The following TMEM62 variants were observed in gnomAD, a reference collection of about 807,000 sequenced individuals.
The protein encoded by TMEM62 is transmembrane protein 62.
Under a neutral mutation model 70.4 loss-of-function variants are expected in TMEM62, and 41 were observed. The ratio of observed to expected loss-of-function variants is 0.58; its 90% CI spans 0.45 to 0.76. The LOEUF (loss-of-function observed/expected upper bound fraction) is 0.76, where lower values mean the gene tolerates loss of function less well. TMEM62 is among the 30% of genes least tolerant of loss of function. The probability of loss-of-function intolerance (pLI) is 0.00; values close to 1 mark genes in which losing one functional copy is unlikely to be tolerated. For synonymous variants in TMEM62, 268 were observed against 291.0 expected (o/e 0.92, Z 0.80); for missense variants, 688 against 788.5 (o/e 0.87, Z 1.53).
intron 10 of TMEM62, among the ~76,000 whole-genome samples, chr15:43,165,760 AAAATAAATAAATAAAT>A (rs538743429): frequency 2.6e-5 from 4 of 151,654 alleles, no homozygotes; most frequent in Non-Finnish European, 5.9e-5. Flanking sequence ...AATTAAATAA[AAAATAAATAAATAAAT>A]AAATAAATAA....
intron 11 of TMEM62, among the ~76,000 whole-genome samples, chr15:43,177,991 G>C (rs1429697726): frequency 6.6e-6 from 1 of 151,202 alleles, no homozygotes; most frequent in Non-Finnish European, 1.5e-5. Flanking sequence ...AAAACTTAAA[G>C]TATAATAATA....
intron 11 of TMEM62, among the ~76,000 whole-genome samples, chr15:43,176,985 T>C (rs2040825165): frequency 6.6e-6 from 1 of 151,856 alleles, no homozygotes; most frequent in Non-Finnish European, 1.5e-5. Flanking sequence ...TACAGAGAAG[T>C]GCTTAAAGGA....
chr15:43,162,958 CCAT>C (rs2038934284), intron 10 of TMEM62, among the ~76,000 whole-genome samples: 1 of 151,288 alleles, frequency 6.6e-6, no homozygotes, highest in Non-Finnish European at 1.5e-5. Context: ...TTATTTATAA[CCAT>C]CATTTTTTTT....
Position 43,148,888 on chromosome 15 carries a change from A to G in TMEM62, c.743+9A>G. On this transcript the variant is annotated intron_variant, in intron 6 of 13. Coordinates refer to ENST00000260403, the MANE Select transcript of TMEM62 (RefSeq NM_024956.4). ...ATCCGGTCAATAATGAGGTGAGACA[A>G]GCTTCCAAAATCAGAATTAATTTGT... 2 of 1,606,830 alleles carry G rather than the reference A, an allele frequency of 1.2e-6. No individual in the cohort carries two copies. The highest frequency in any genetic ancestry group is 1.7e-6 in the Non-Finnish European group (2 of 1,177,846).
intron 5 of TMEM62, among the ~76,000 whole-genome samples, chr15:43,147,981 T>C (rs2036884500): frequency 6.6e-6 from 1 of 152,228 alleles, no homozygotes; most frequent in South Asian, 2.1e-4. Context: ...TGAGGTATGA[T>C]TTGAGTACTA....
rs202071275 is a variant in TMEM62, at chr15:43,181,181, G to T, written c.1487G>T (p.Gly496Val). Residue 496 changes from glycine to valine, a missense_variant and splice_region_variant, in exon 13 of 14, where the codon GGT becomes GTT. Transcript: ENST00000260403. ...CTTTTTTGTCCATTGCCTCTTTTAGGTCCATGGTTTTTTGGTGAAATCATT... is the reference window on the plus strand; with the variant it reads ...CTTTTTTGTCCATTGCCTCTTTTAGTTCCATGGTTTTTTGGTGAAATCATT... ...VLLLTLYTVL[G>V]PWFFGEIIDG... 9.3e-6 allele frequency: 15 copies of T among 1,606,892 alleles called. No homozygotes were observed. The highest frequency in any genetic ancestry group is 3.4e-6 in the Non-Finnish European group (4 of 1,173,816).
intron 4 of TMEM62, among the ~76,000 whole-genome samples, chr15:43,139,407 T>G (rs1361956221): frequency 6.6e-6 from 1 of 152,134 alleles, no homozygotes; most frequent in East Asian, 1.9e-4. Flanking sequence ...CCTCTAAGTG[T>G]TCAAGTGAAA....
At chr15:43,170,240 T>A (rs1282098663) in intron 11 of TMEM62, among the ~76,000 whole-genome samples, 1 of 152,208 alleles carries the variant, frequency 6.6e-6, no homozygotes, top group Non-Finnish European at 1.5e-5. Flanking sequence ...GCCCAAACTC[T>A]AAAAGGGAGG....
At chr15:43,174,412 T>A (rs1329730930) in intron 11 of TMEM62, among the ~76,000 whole-genome samples, 1 of 152,252 alleles carries the variant, frequency 6.6e-6, no homozygotes, top group Non-Finnish European at 1.5e-5. Flanking sequence ...TTCTTATATT[T>A]ATTTTAAAAA....
intron 8 of TMEM62, 32 bp downstream of exon 8, chr15:43,151,977 G>T: frequency 6.5e-7 from 1 of 1,545,290 alleles, no homozygotes; most frequent in Non-Finnish European, 8.8e-7. Flanking sequence ...TTTACTTTCA[G>T]TTTGATAATG....
chr15:43,162,958 C>A (rs1176128272), intron 10 of TMEM62, among the ~76,000 whole-genome samples: 1 of 151,288 alleles, frequency 6.6e-6, no homozygotes, highest in African/African-American at 2.4e-5. Flanking sequence ...TTATTTATAA[C>A]CATCATTTTT....
chr15:43,177,741 C>T (rs942060361), intron 11 of TMEM62, among the ~76,000 whole-genome samples: 6 of 151,898 alleles, frequency 4.0e-5, no homozygotes, highest in African/African-American at 9.7e-5. Context: ...AGTAAACTAT[C>T]GCAAGGACAA....
chr15:43,177,596 CA>C, intron 11 of TMEM62, among the ~76,000 whole-genome samples: 1 of 152,118 alleles, frequency 6.6e-6, no homozygotes, highest in South Asian at 2.1e-4. Flanking sequence ...GACTTGGAAC[CA>C]ACCCAAATGT....
chr15:43,141,698 C>T (rs1399779571), intron 4 of TMEM62, among the ~76,000 whole-genome samples: 1 of 152,108 alleles, frequency 6.6e-6, no homozygotes, highest in African/African-American at 2.4e-5. Context: ...TGTGGGCAGT[C>T]AATTGAAAAA....
At chr15:43,177,751 A>C (rs2040908213) in intron 11 of TMEM62, among the ~76,000 whole-genome samples, 1 of 152,084 alleles carries the variant, frequency 6.6e-6, no homozygotes, top group Non-Finnish European at 1.5e-5. Context: ...CGCAAGGACA[A>C]AAAACCAAAC....
At chr15:43,152,124 A>AT (rs1267617082) in intron 8 of TMEM62, among the ~76,000 whole-genome samples, 179 bp downstream of exon 8, 1 of 152,224 alleles carries the variant, frequency 6.6e-6, no homozygotes, top group African/African-American at 2.4e-5. Flanking sequence ...AAAGCATATC[A>AT]TTTTTTTAAG....
At position 43,146,598 on chromosome 15, in the gene TMEM62, T is replaced by TA. The variant is rs1596237845; in HGVS notation, c.584dup (p.Arg196GlufsTer4). 1 of 1,612,782 alleles carries TA rather than the reference T, an allele frequency of 6.2e-7. No homozygotes were observed. Among genetic ancestry groups the TA allele is most frequent in the East Asian group, 2.2e-5 (1 of 44,840 alleles). On this transcript the variant is annotated frameshift_variant, in exon 5 of 14. Coordinates refer to ENST00000260403, the MANE Select transcript of TMEM62 (RefSeq NM_024956.4). LOFTEE classifies it high-confidence loss of function. ...TAGATGCCACTGTAAATCCAGGGCC[T>TA]AAGAGACCCTATAATTTCTTTGGAA... is the stretch of plus-strand genomic sequence containing the variant.
chr15:43,154,889 C>G, intron 9 of TMEM62, 58 bp downstream of exon 9: 1 of 1,430,848 alleles, frequency 7.0e-7, no homozygotes, highest in Non-Finnish European at 9.3e-7. Flanking sequence ...ACAATGAATT[C>G]TGGTTTGGAA....
Position 43,184,543 on chromosome 15 carries a change from T to C in TMEM62, c.1889T>C (p.Phe630Ser), listed in dbSNP as rs2041716919. The C allele has an allele frequency of 2.5e-6, 4 of 1,612,436 alleles. No homozygotes were observed. The highest frequency in any genetic ancestry group is 2.2e-5 in the East Asian group (1 of 44,876). The change falls in exon 14 of 14, where the codon TTT (phenylalanine) becomes TCT (serine). Residue 630 changes from phenylalanine to serine, a missense_variant. By Grantham distance (155) the Phe-to-Ser change is radical. Transcript: ENST00000260403. ...RYVWTLNSTK[F>S]GIFMVQLKSH... ...GTGTGGACACTGAACTCCACCAAGT[T>C]TGGAATCTTCATGGTGCAGTTAAAA...
Sources: gnomAD v4.1 joint callset for allele counts (sites outside exome capture counted in the v4.1 genomes callset) on GRCh38, gnomAD v4.1.1 for gene constraint, MANE v1.5 for transcripts, NCBI Gene and HGNC (gene_info 2026-07-23, HGNC 2026-07-21) for gene names.